The following ASCC3 variants were observed in gnomAD, a reference collection of about 807,000 sequenced individuals.
The protein encoded by ASCC3 is activating signal cointegrator 1 complex subunit 3, also known as ASC-1 complex subunit P200.
Under a neutral mutation model 256.3 loss-of-function variants are expected in ASCC3, and 158 were observed. That is an observed-to-expected ratio of 0.62 (90% CI 0.54 to 0.70). The LOEUF is 0.70. Among genes scored for constraint, ASCC3 ranks in the 30% least tolerant of loss-of-function variants. The probability of loss-of-function intolerance (pLI) is 0.00; values close to 1 mark genes in which losing one functional copy is unlikely to be tolerated. For missense variants in ASCC3, 2,259 were observed against 2,626.0 expected (o/e 0.86, Z 3.05); for synonymous variants, 948 against 883.4 (o/e 1.07, Z -1.30).
chr6:100,569,589 T>A (rs1017611277), intron 36 of ASCC3, among the ~76,000 whole-genome samples: 1 of 152,092 alleles, frequency 6.6e-6, no homozygotes, highest in Non-Finnish European at 1.5e-5. Context: ...TTTCACCGTG[T>A]TAGCCAGGAT....
intron 37 of ASCC3, among the ~76,000 whole-genome samples, chr6:100,533,504 G>C (rs965052482): frequency 2.0e-5 from 3 of 152,068 alleles, no homozygotes; most frequent in African/African-American, 4.8e-5. Context: ...TAGGCTGCAG[G>C]CTTGATAACA....
intron 14 of ASCC3, among the ~76,000 whole-genome samples, chr6:100,676,088 C>A (rs1776991161): frequency 6.6e-6 from 1 of 151,984 alleles, no homozygotes; most frequent in Non-Finnish European, 1.5e-5. Context: ...TCTTAAGACA[C>A]AATCTTTGAG....
intron 3 of ASCC3, among the ~76,000 whole-genome samples, chr6:100,860,522 A>T (rs1439290576): frequency 1.3e-5 from 2 of 151,972 alleles, no homozygotes; most frequent in Admixed American, 1.3e-4. Flanking sequence ...AGTGAAGACC[A>T]CAGAGAACTT....
At chr6:100,628,123 G>C (rs888231949) in intron 27 of ASCC3, 136 bp from the exon 28 acceptor site, 1 of 960,330 alleles carries the variant, frequency 1.0e-6, no homozygotes, top group African/African-American at 1.7e-5. Flanking sequence ...GCTAAAGCTA[G>C]AACTACCAAA....
chr6:100,627,218 T>C (rs1333564958), intron 29 of ASCC3, among the ~76,000 whole-genome samples: 3 of 152,164 alleles, frequency 2.0e-5, no homozygotes, highest in Admixed American at 6.6e-5. Flanking sequence ...ACTAAAGTAC[T>C]GAAATTTCTA....
intron 34 of ASCC3, among the ~76,000 whole-genome samples, chr6:100,600,761 A>G (rs1344718227): frequency 2.0e-5 from 3 of 151,992 alleles, no homozygotes; most frequent in Non-Finnish European, 4.4e-5. Context: ...TCTTTTCCCT[A>G]TTATTCAGTA....
intron 4 of ASCC3, among the ~76,000 whole-genome samples, chr6:100,811,205 C>A (rs775122174): frequency 4.6e-5 from 7 of 152,122 alleles, no homozygotes; most frequent in Non-Finnish European, 7.4e-5. Context: ...CACAGTCCTG[C>A]TCTTACAAGT....
chr6:100,701,177 C>A (rs527382482), intron 13 of ASCC3, among the ~76,000 whole-genome samples: 2 of 152,298 alleles, frequency 1.3e-5, no homozygotes, highest in Non-Finnish European at 2.9e-5. Context: ...TTTAAATCAG[C>A]TTGATCTATG....
At chr6:100,607,435 T>C (rs1392103743) in intron 30 of ASCC3, among the ~76,000 whole-genome samples, 6 of 151,988 alleles carry the variant, frequency 3.9e-5, no homozygotes, top group Non-Finnish European at 1.5e-5. Context: ...AACACTGTTT[T>C]TGAAGTTCAG....
At chr6:100,551,504 T>G (rs1454323431) in intron 36 of ASCC3, among the ~76,000 whole-genome samples, 1 of 151,926 alleles carries the variant, frequency 6.6e-6, no homozygotes, top group Non-Finnish European at 1.5e-5. Flanking sequence ...AAGGGGGGAC[T>G]GGCACTTATT....
At chr6:100,520,789 G>A (rs1774264830) in intron 37 of ASCC3, among the ~76,000 whole-genome samples, 1 of 152,106 alleles carries the variant, frequency 6.6e-6, no homozygotes, top group South Asian at 2.1e-4. Flanking sequence ...TACCATCTAG[G>A]TCTGTGTAAG....
At chr6:100,708,701 C>T (rs1158112053) in intron 13 of ASCC3, among the ~76,000 whole-genome samples, 1 of 151,906 alleles carries the variant, frequency 6.6e-6, no homozygotes, top group Non-Finnish European at 1.5e-5. Context: ...TTATTCTGTC[C>T]AAAATGTCAA....
intron 3 of ASCC3, among the ~76,000 whole-genome samples, chr6:100,849,708 AGAG>A (rs1030097816): frequency 1.3e-5 from 2 of 152,200 alleles, no homozygotes; most frequent in African/African-American, 4.8e-5. Flanking sequence ...GAATATTCTT[AGAG>A]AAGAAAAGAA....
At position 100,767,036 on chromosome 6, in the gene ASCC3, C is replaced by T. The variant is rs537786305; in HGVS notation, c.1596+109G>A. 8.8e-6 allele frequency: 10 copies of T among 1,138,958 alleles called. No homozygotes were observed. The Admixed American group carries it at 1.8e-4, about 20-fold the overall frequency. The allele number at this position is 1,138,958 out of a possible 1,614,324, so 70.6% of individuals were successfully genotyped here. On this transcript the variant is annotated intron_variant, in intron 9 of 41. Transcript: ENST00000369162. ...AAATCAAACAGTATTACTTATCTGA[C>T]TTCAAGTACAATATCTTTAAGAACT... is the stretch of plus-strand genomic sequence containing the variant.
At chr6:100,856,269 G>T in intron 3 of ASCC3, 1 of 419,984 alleles carries the variant, frequency 2.4e-6, no homozygotes, top group Non-Finnish European at 3.2e-6. Context: ...ATTTATGGAT[G>T]TATAAATAGG....
At chr6:100,716,404 T>C (rs1340598912) in intron 12 of ASCC3, among the ~76,000 whole-genome samples, 1 of 151,920 alleles carries the variant, frequency 6.6e-6, no homozygotes, top group Non-Finnish European at 1.5e-5. Context: ...CCCAGCCTAT[T>C]ATCTCTCCAC....
At chr6:100,694,124 A>G (rs1350296366) in intron 13 of ASCC3, among the ~76,000 whole-genome samples, 1 of 152,000 alleles carries the variant, frequency 6.6e-6, no homozygotes, top group Non-Finnish European at 1.5e-5. Context: ...CATCCCTTTC[A>G]TTTTCCTGAA....
intron 4 of ASCC3, among the ~76,000 whole-genome samples, chr6:100,846,237 A>G (rs905140409): frequency 2.0e-5 from 3 of 152,304 alleles, no homozygotes; most frequent in Non-Finnish European, 4.4e-5. Context: ...CTCCTGAAGT[A>G]TCACTTGAAA....
At chr6:100,829,175 G>T (rs1771488734) in intron 4 of ASCC3, among the ~76,000 whole-genome samples, 2 of 152,136 alleles carry the variant, frequency 1.3e-5, no homozygotes, top group Non-Finnish European at 2.9e-5. Flanking sequence ...TCACCCAGTG[G>T]ATCCCGCACC....
Sources: gnomAD v4.1 joint callset for allele counts (sites outside exome capture counted in the v4.1 genomes callset) on GRCh38, gnomAD v4.1.1 for gene constraint, MANE v1.5 for transcripts, NCBI Gene and HGNC (gene_info 2026-07-23, HGNC 2026-07-21) for gene names.